The following SAMD3 variants were observed in gnomAD, a reference collection of about 807,000 sequenced individuals.
SAMD3 encodes the protein sterile alpha motif domain-containing protein 3.
Under a neutral mutation model 58.5 loss-of-function variants are expected in SAMD3, and 63 were observed. The ratio of observed to expected loss-of-function variants is 1.08; its 90% CI spans 0.88 to 1.33. The LOEUF is 1.33. Ranked by LOEUF, SAMD3 falls within the 40% of genes most tolerant of loss-of-function variation. The pLI, the probability that SAMD3 is intolerant of heterozygous loss-of-function variation, is 0.00. For synonymous variants in SAMD3, 220 were observed against 210.3 expected, an observed-to-expected ratio of 1.05 and a Z score of -0.40; for missense variants, 604 against 608.4, an observed-to-expected ratio of 0.99 and a Z score of 0.08.
chr6:130,261,982 G>A (rs1185485720), intron 2 of SAMD3, among the ~76,000 whole-genome samples: 1 of 151,606 alleles, frequency 6.6e-6, no homozygotes, highest in Non-Finnish European at 1.5e-5. Context: ...GAGAGGCAGA[G>A]AAAGAGAGGA....
intron 7 of SAMD3, among the ~76,000 whole-genome samples, chr6:130,182,267 G>GT (rs996244504): frequency 4.0e-5 from 6 of 151,302 alleles, no homozygotes; most frequent in African/African-American, 7.3e-5. Flanking sequence ...GCTTTGTTTT[G>GT]TTTTTTTAGA....
chr6:130,239,512 T>A (rs541969893), intron 2 of SAMD3, among the ~76,000 whole-genome samples: 117 of 152,314 alleles, frequency 7.7e-4, no homozygotes, highest in South Asian at 2.3e-3. Flanking sequence ...TAATCAACTC[T>A]ATAAATATAG....
chr6:130,302,516 T>C (rs1775785121), intron 2 of SAMD3, among the ~76,000 whole-genome samples: 1 of 152,244 alleles, frequency 6.6e-6, no homozygotes, highest in African/African-American at 2.4e-5. Context: ...GAAAACAGTA[T>C]TGAGATTTCT....
chr6:130,241,871 T>C (rs1268353673), intron 2 of SAMD3, among the ~76,000 whole-genome samples: 1 of 152,148 alleles, frequency 6.6e-6, no homozygotes, highest in East Asian at 1.9e-4. Flanking sequence ...CAGCCACAGG[T>C]GTTTCTGTGA....
intron 2 of SAMD3, among the ~76,000 whole-genome samples, chr6:130,282,371 AC>A (rs1219992435): frequency 5.3e-5 from 8 of 151,756 alleles, no homozygotes; most frequent in African/African-American, 1.9e-4. Flanking sequence ...TATATTATAT[AC>A]ATAGGCAAGT....
At chr6:130,258,681 C>A (rs1339238416) in intron 2 of SAMD3, among the ~76,000 whole-genome samples, 1 of 152,156 alleles carries the variant, frequency 6.6e-6, no homozygotes, top group Non-Finnish European at 1.5e-5. Context: ...TATCACCCAG[C>A]AACCACTCAT....
At chr6:130,327,105 C>A (rs1776783701) in intron 1 of SAMD3, among the ~76,000 whole-genome samples, 1 of 152,152 alleles carries the variant, frequency 6.6e-6, no homozygotes, top group Non-Finnish European at 1.5e-5. Flanking sequence ...ACTTTACCTT[C>A]CTTTCCTAGA....
intron 2 of SAMD3, among the ~76,000 whole-genome samples, chr6:130,300,550 C>A (rs1477721604): frequency 6.6e-6 from 1 of 152,166 alleles, no homozygotes; most frequent in Non-Finnish European, 1.5e-5. Context: ...AGCAAGCATT[C>A]CCCCTAAGAA....
At chr6:130,290,043 C>T (rs1275092508) in intron 2 of SAMD3, among the ~76,000 whole-genome samples, 2 of 151,932 alleles carry the variant, frequency 1.3e-5, no homozygotes, top group Non-Finnish European at 2.9e-5. Flanking sequence ...CTTGTTTTAC[C>T]TGGGGCATAG....
At position 130,175,838 on chromosome 6, in the gene SAMD3, T is replaced by C. The variant is rs1198083708; in HGVS notation, c.822+3A>G. 1.3e-6 allele frequency: 2 copies of C among 1,597,864 alleles called. No individual in the cohort carries two copies. The highest frequency in any genetic ancestry group is 8.6e-7 in the Non-Finnish European group (1 of 1,167,224). On this transcript the variant is annotated splice_donor_region_variant and intron_variant, in intron 8 of 11. Coordinates refer to ENST00000439090, the MANE Select transcript of SAMD3 (RefSeq NM_001017373.4). ...ATCAGAACATTTAGGAATTCAATCT[T>C]ACTTTTATCTGGACAAGTTTAATTT...
At chr6:130,348,718 G>C (rs199800403) in intron 1 of SAMD3, among the ~76,000 whole-genome samples, 26,949 of 151,932 alleles carry the variant, frequency 0.18, 2,629 homozygotes, top group East Asian at 0.36. Context: ...CAGCTCTGCA[G>C]CAAGCGGACC....
At chr6:130,306,684 C>A (rs1426402964) in intron 2 of SAMD3, among the ~76,000 whole-genome samples, 1 of 152,140 alleles carries the variant, frequency 6.6e-6, no homozygotes, top group Non-Finnish European at 1.5e-5. Context: ...AGACTTCCAG[C>A]CCCAAAGATA....
chr6:130,146,987 GA>G (rs933827960), intron 9 of SAMD3, among the ~76,000 whole-genome samples: 1 of 152,018 alleles, frequency 6.6e-6, no homozygotes, highest in Admixed American at 6.6e-5. Flanking sequence ...AGAAAAGAAA[GA>G]AAAAGAAACA....
intron 5 of SAMD3, among the ~76,000 whole-genome samples, chr6:130,195,548 A>G (rs12196249): frequency 0.22 from 32,868 of 151,884 alleles, 4,275 homozygotes; most frequent in East Asian, 0.44. Context: ...CCTATCCTCA[A>G]TACCTCCCTC....
intron 2 of SAMD3, among the ~76,000 whole-genome samples, chr6:130,270,996 TG>T (rs67556691): frequency 0.45 from 68,570 of 150,754 alleles, 19,325 homozygotes; most frequent in African/African-American, 0.8. Context: ...TTGTTTTTTT[TG>T]TTTTTTTTTG....
chr6:130,268,481 A>G (rs1442748160), intron 2 of SAMD3, among the ~76,000 whole-genome samples: 1 of 152,176 alleles, frequency 6.6e-6, no homozygotes, highest in Non-Finnish European at 1.5e-5. Context: ...ATAATGCCCT[A>G]GGCCTTCATA....
intron 1 of SAMD3, among the ~76,000 whole-genome samples, chr6:130,323,914 A>AT (rs1399832711): frequency 2.6e-5 from 4 of 151,756 alleles, no homozygotes; most frequent in Non-Finnish European, 5.9e-5. Context: ...AGTGCTGGCT[A>AT]TGCAGCATAT....
intron 2 of SAMD3, among the ~76,000 whole-genome samples, chr6:130,290,215 AT>A (rs1177897091): frequency 6.6e-6 from 1 of 152,090 alleles, no homozygotes; most frequent in Non-Finnish European, 1.5e-5. Flanking sequence ...GGTTCGTGTG[AT>A]TATGCGGACT....
chr6:130,156,700 G>A (rs148388642), intron 8 of SAMD3, among the ~76,000 whole-genome samples: 2 of 152,214 alleles, frequency 1.3e-5, no homozygotes, highest in Non-Finnish European at 2.9e-5. Context: ...GTTGGGCACA[G>A]CAGCTCACAC....
Sources: allele counts gnomAD v4.1 joint callset (sites outside exome capture counted in the v4.1 genomes callset), GRCh38; gene constraint gnomAD v4.1.1; transcripts MANE v1.5; gene names NCBI Gene and HGNC (gene_info 2026-07-23, HGNC 2026-07-21).